The following CAMKMT variants were observed in gnomAD, a reference collection of about 807,000 sequenced individuals.
CAMKMT encodes CaM KMT.
CAMKMT carries 53 observed loss-of-function variants against 48.0 expected under a neutral mutation model. The ratio of observed to expected loss-of-function variants is 1.10; its 90% CI spans 0.89 to 1.39. CAMKMT has a LOEUF of 1.39. Ranked by LOEUF, CAMKMT falls within the 40% of genes most tolerant of loss-of-function variation. The pLI is 0.00. For missense variants in CAMKMT, 428 were observed against 402.7 expected (o/e 1.06, Z -0.54); for synonymous variants, 165 against 152.3 (o/e 1.08, Z -0.61).
At chr2:44,669,278 C>A (rs1206153668) in intron 3 of CAMKMT, among the ~76,000 whole-genome samples, 1 of 152,116 alleles carries the variant, frequency 6.6e-6, no homozygotes, top group Non-Finnish European at 1.5e-5. Flanking sequence ...ATTTTTACTG[C>A]AATATAATAT....
chr2:44,577,741 G>A (rs915804500), intron 3 of CAMKMT, among the ~76,000 whole-genome samples: 1 of 151,966 alleles, frequency 6.6e-6, no homozygotes, highest in African/African-American at 2.4e-5. Flanking sequence ...TCCTTTGGAC[G>A]AGATCCTCCC....
intron 3 of CAMKMT, among the ~76,000 whole-genome samples, chr2:44,692,362 G>T (rs1016440037): frequency 2.6e-5 from 4 of 151,986 alleles, no homozygotes; most frequent in African/African-American, 7.3e-5. Context: ...TTTATTGCTT[G>T]TACTTAACAA....
chr2:44,370,866 A>G (rs773342016), intron 1 of CAMKMT, among the ~76,000 whole-genome samples: 14 of 152,200 alleles, frequency 9.2e-5, no homozygotes, highest in African/African-American at 3.4e-4. Context: ...TTTGGAGTGC[A>G]ATGGCTTCAT....
chr2:44,438,817 C>T (rs1051278652), intron 3 of CAMKMT, among the ~76,000 whole-genome samples: 11 of 152,276 alleles, frequency 7.2e-5, no homozygotes, highest in East Asian at 3.9e-4. Flanking sequence ...CCTGCCTCAG[C>T]CTCTTGAGTA....
At chr2:44,505,984 A>G (rs1256064457) in intron 3 of CAMKMT, among the ~76,000 whole-genome samples, 1 of 151,926 alleles carries the variant, frequency 6.6e-6, no homozygotes, top group Non-Finnish European at 1.5e-5. Flanking sequence ...CTCCCAGCTC[A>G]GCCTCCCAAG....
Position 44,484,705 on chromosome 2 carries a change from C to A in CAMKMT, c.376+94400C>A, listed in dbSNP as rs544889441. On this transcript the variant is annotated intron_variant, in intron 3 of 10. Transcript: ENST00000378494. ...CTTAAATAGGACAAAAAAAAAAAAA[C>A]CATACAGAAAAGATTGATAAATTGG... 1.2e-4 allele frequency among the ~76,000 whole-genome samples: 18 copies of A among 147,106 alleles called. No individual in the cohort carries two copies. In the South Asian group the frequency reaches 3.4e-3, roughly 28 times the overall value.
chr2:44,636,514 T>C (rs1673145610), intron 3 of CAMKMT, among the ~76,000 whole-genome samples: 1 of 152,202 alleles, frequency 6.6e-6, no homozygotes, highest in South Asian at 2.1e-4. Flanking sequence ...AGAACCTGAC[T>C]GGAATGGGAC....
chr2:44,651,745 C>G (rs1383974339), intron 3 of CAMKMT, among the ~76,000 whole-genome samples: 1 of 152,152 alleles, frequency 6.6e-6, no homozygotes, highest in Non-Finnish European at 1.5e-5. Context: ...GAATCCTTTT[C>G]CCAACTTTCG....
intron 3 of CAMKMT, among the ~76,000 whole-genome samples, chr2:44,556,069 T>C (rs1407349242): frequency 6.6e-6 from 1 of 152,170 alleles, no homozygotes; most frequent in South Asian, 2.1e-4. Context: ...GTCTGTGTTA[T>C]AGGTAGCATC....
intron 3 of CAMKMT, among the ~76,000 whole-genome samples, chr2:44,641,129 AT>A (rs1371878379): frequency 1.3e-5 from 2 of 152,178 alleles, no homozygotes; most frequent in African/African-American, 2.4e-5. Flanking sequence ...AGCCTAAAGA[AT>A]CTTTCAAGTA....
At chr2:44,735,876 G>A (rs1008041795) in intron 7 of CAMKMT, among the ~76,000 whole-genome samples, 2 of 151,954 alleles carry the variant, frequency 1.3e-5, no homozygotes, top group Non-Finnish European at 2.9e-5. Flanking sequence ...TCATGCTACT[G>A]TACTCGAGCC....
intron 3 of CAMKMT, among the ~76,000 whole-genome samples, chr2:44,406,418 G>T (rs1464004741): frequency 1.3e-5 from 2 of 152,072 alleles, no homozygotes; most frequent in African/African-American, 4.8e-5. Flanking sequence ...GATACTTACA[G>T]ATAGTTTCAA....
intron 3 of CAMKMT, among the ~76,000 whole-genome samples, chr2:44,479,302 T>C (rs1222407390): frequency 6.6e-6 from 1 of 152,200 alleles, no homozygotes. Context: ...TTTTGTGTCT[T>C]GGTTGGTATG....
At chr2:44,397,847 C>G (rs1339980135) in intron 3 of CAMKMT, among the ~76,000 whole-genome samples, 1 of 152,044 alleles carries the variant, frequency 6.6e-6, no homozygotes, top group Admixed American at 6.6e-5. Context: ...TGAAATAAAC[C>G]CTATAATCCT....
intron 8 of CAMKMT, among the ~76,000 whole-genome samples, chr2:44,753,155 G>C (rs751476697): frequency 1.3e-5 from 2 of 149,498 alleles, no homozygotes; most frequent in Non-Finnish European, 3.0e-5. Flanking sequence ...GCATGTGCCT[G>C]TAATCCCAGC....
intron 9 of CAMKMT, among the ~76,000 whole-genome samples, chr2:44,756,732 ACT>A (rs1297940106): frequency 6.8e-6 from 1 of 145,988 alleles, no homozygotes; most frequent in Non-Finnish European, 1.5e-5. Flanking sequence ...ACAGAGCAAG[ACT>A]CTGTCTCAAA....
chr2:44,722,412 G>C (rs1449251502), intron 7 of CAMKMT, among the ~76,000 whole-genome samples: 1 of 151,990 alleles, frequency 6.6e-6, no homozygotes, highest in Non-Finnish European at 1.5e-5. Context: ...AATTGGTCCA[G>C]AATTTTCTTT....
chr2:44,665,435 G>T (rs1457961565), intron 3 of CAMKMT, among the ~76,000 whole-genome samples: 1 of 152,134 alleles, frequency 6.6e-6, no homozygotes, highest in Non-Finnish European at 1.5e-5. Flanking sequence ...ATAGGGGAAA[G>T]GTTTAAGATC....
intron 3 of CAMKMT, among the ~76,000 whole-genome samples, chr2:44,542,919 A>G (rs1017235677): frequency 6.6e-6 from 1 of 152,124 alleles, no homozygotes; most frequent in Non-Finnish European, 1.5e-5. Context: ...CAGGTTAGAG[A>G]GCTTAGACTT....
Sources: gnomAD v4.1 joint callset for allele counts (sites outside exome capture counted in the v4.1 genomes callset) on GRCh38, gnomAD v4.1.1 for gene constraint, MANE v1.5 for transcripts, NCBI Gene and HGNC (gene_info 2026-07-23, HGNC 2026-07-21) for gene names.